The following ZRANB1 variants were observed in gnomAD, a reference collection of about 807,000 sequenced individuals.
ZRANB1 encodes the protein zinc finger RANBP2-type containing 1.
Under a neutral mutation model 80.5 loss-of-function variants are expected in ZRANB1, and 16 were observed. The ratio of observed to expected loss-of-function variants is 0.20; its 90% CI spans 0.13 to 0.30. ZRANB1 has a LOEUF of 0.30. ZRANB1 is among the 10% of genes least tolerant of loss of function. ZRANB1 has a pLI of 1.00. For missense variants in ZRANB1, 576 were observed against 862.6 expected, an observed-to-expected ratio of 0.67 and a Z score of 4.16; for synonymous variants, 291 against 293.1, an observed-to-expected ratio of 0.99 and a Z score of 0.07.
the ZRANB1 span, among the ~76,000 whole-genome samples, chr10:124,926,001 G>A: frequency 2.0e-5 from 3 of 152,208 alleles, no homozygotes; most frequent in African/African-American, 7.2e-5. Flanking sequence ...GCATGTTACT[G>A]TATTGAATAC....
chr10:124,951,960 A>G (rs1386880048), intron 1 of ZRANB1, among the ~76,000 whole-genome samples: 1 of 152,158 alleles, frequency 6.6e-6, no homozygotes, highest in East Asian at 1.9e-4. Flanking sequence ...CTGTCTCAAA[A>G]TAAATAAATA....
chr10:124,917,831 C>T, the ZRANB1 span, among the ~76,000 whole-genome samples: 1 of 152,178 alleles, frequency 6.6e-6, no homozygotes, highest in African/African-American at 2.4e-5. Flanking sequence ...GTCTACCCCT[C>T]CTGCTCGCAG....
intron 1 of ZRANB1, among the ~76,000 whole-genome samples, chr10:124,957,339 T>C (rs765895700): frequency 6.6e-6 from 1 of 152,216 alleles, no homozygotes; most frequent in Non-Finnish European, 1.5e-5. Context: ...AGGCAGCACC[T>C]CCGATACCTC....
Position 124,985,051 on chromosome 10 carries a change from G to C in ZRANB1, c.*59G>C. On this transcript the variant is annotated 3_prime_UTR_variant, in exon 9 of 9. Transcript: ENST00000359653. ...CAGATCTGTAATGACCCTAAAGTTA[G>C]TGTGGTGCTCCAAGCAGAGTCGACA... 1.5e-6 allele frequency: 2 copies of C among 1,348,350 alleles called. No individual in the cohort carries two copies. The highest frequency in any genetic ancestry group is 2.1e-6 in the Non-Finnish European group (2 of 967,206). The allele number at this position is 1,348,350 out of a possible 1,614,324, so 83.5% of individuals were successfully genotyped here.
chr10:124,981,116 T>C lies in ZRANB1; in HGVS notation c.1428-593T>C, dbSNP rs117813174. Among the ~76,000 whole-genome samples, 17 of 152,362 alleles carry C rather than the reference T, an allele frequency of 1.1e-4. No homozygotes were observed. The East Asian group carries it at 3.3e-3, about 29-fold the overall frequency. ...CATAATTATTTCTGAATTTTTATAT[T>C]TGATAGACAAAGAATCGATGTGTTT... On this transcript the variant is annotated intron_variant, in intron 5 of 8. Transcript: ENST00000359653.
In ZRANB1 at chr10:124,973,706, C is replaced by T. The variant is rs751833567; in HGVS notation, c.1218C>T (p.Asp406=). 10 of 1,611,398 alleles carry T rather than the reference C, an allele frequency of 6.2e-6. No individual in the cohort carries two copies. Among genetic ancestry groups the T allele is most frequent in the East Asian group, 4.5e-5 (2 of 44,744 alleles). ...EKLFDEVLDR[D]VQKELEEESP... ...TATTTGATGAGGTGCTTGATAGAGA[C>T]GTTCAAAAAGGTAAGCATGGAATTA... Residue 406 remains aspartate, a synonymous_variant, in exon 4 of 9, where the codon GAC becomes GAT. Coordinates refer to ENST00000359653, the MANE Select transcript of ZRANB1 (RefSeq NM_017580.3).
At chr10:124,927,488 A>G in the ZRANB1 span, among the ~76,000 whole-genome samples, 1 of 152,132 alleles carries the variant, frequency 6.6e-6, no homozygotes, top group Non-Finnish European at 1.5e-5. Context: ...ACTTTTTGGT[A>G]TTTAATGGAG....
chr10:124,941,597 G>A (rs565786408), upstream of ZRANB1, among the ~76,000 whole-genome samples: 33 of 152,138 alleles, frequency 2.2e-4, no homozygotes, highest in African/African-American at 7.0e-4. Context: ...TGATCTACCC[G>A]CCTCAGCCTC....
the ZRANB1 span, among the ~76,000 whole-genome samples, chr10:124,929,404 C>G: frequency 6.6e-6 from 1 of 150,472 alleles, no homozygotes; most frequent in Non-Finnish European, 1.5e-5. Context: ...GGCGAGATCT[C>G]GGCTCACTGC....
chr10:124,985,070 G>A lies in ZRANB1; in HGVS notation c.*78G>A, dbSNP rs1952003210. 3 of 1,192,284 alleles carry A rather than the reference G, an allele frequency of 2.5e-6. No homozygotes were observed. The highest frequency in any genetic ancestry group is 3.6e-6 in the Non-Finnish European group (3 of 838,218). The allele number at this position is 1,192,284 out of a possible 1,614,324, so 73.9% of individuals were successfully genotyped here. A position where few individuals can be genotyped will look rare whatever the true frequency, so the allele number is the denominator to read the frequency against. ...AAGTTAGTGTGGTGCTCCAAGCAGA[G>A]TCGACATCATGGAATGAACCAAATC... On this transcript the variant is annotated 3_prime_UTR_variant, in exon 9 of 9. Transcript: ENST00000359653.
chr10:124,919,769 G>A, the ZRANB1 span, among the ~76,000 whole-genome samples: 2 of 151,196 alleles, frequency 1.3e-5, no homozygotes, highest in African/African-American at 4.9e-5. Flanking sequence ...CTGCCACCAC[G>A]CCCGGCTAAT....
the ZRANB1 span, among the ~76,000 whole-genome samples, chr10:124,933,362 C>T: frequency 6.6e-6 from 1 of 152,146 alleles, no homozygotes; most frequent in South Asian, 2.1e-4. Context: ...TGGTCTCAAA[C>T]TCCTGACCTC....
the ZRANB1 span, among the ~76,000 whole-genome samples, chr10:124,925,242 G>A: frequency 2.0e-5 from 3 of 151,716 alleles, no homozygotes; most frequent in African/African-American, 4.8e-5. Context: ...TATATGTTCC[G>A]TTTCTCTACA....
chr10:124,945,395 A>G (rs1288087820), intron 1 of ZRANB1: 1 of 143,478 alleles, frequency 7.0e-6, no homozygotes, highest in East Asian at 2.0e-4. Context: ...TGCCTTTGGA[A>G]CAGTCTTAAA....
At chr10:124,982,256 C>T (rs1951941853) in intron 6 of ZRANB1, among the ~76,000 whole-genome samples, 1 of 152,238 alleles carries the variant, frequency 6.6e-6, no homozygotes, top group South Asian at 2.1e-4. Context: ...GGTGTAGGTA[C>T]TTGCATTGCT....
the ZRANB1 span, among the ~76,000 whole-genome samples, chr10:124,930,117 C>T: frequency 6.6e-6 from 1 of 152,086 alleles, no homozygotes; most frequent in African/African-American, 2.4e-5. Context: ...TTTTAGCCCT[C>T]CACTTAAAGA....
chr10:124,928,190 T>C, the ZRANB1 span, among the ~76,000 whole-genome samples: 3 of 152,202 alleles, frequency 2.0e-5, no homozygotes, highest in South Asian at 6.2e-4. Flanking sequence ...AGAAGGGGAA[T>C]AGGAGTAGGC....
At position 124,954,708 on chromosome 10, in the gene ZRANB1, A is replaced by G. The variant is rs182675662; in HGVS notation, c.814+11401A>G. ...GGTAATCAGCCCACCTTGGCCTCCCAGAGTGCTGGGATTACAGGCGTGAGT... is the reference window on the plus strand; with the variant it reads ...GGTAATCAGCCCACCTTGGCCTCCCGGAGTGCTGGGATTACAGGCGTGAGT... On this transcript the variant is annotated intron_variant, in intron 1 of 8. Transcript: ENST00000359653. 2.7e-3 allele frequency among the ~76,000 whole-genome samples: 408 copies of G among 150,448 alleles called. 1 individual carries two copies. The highest frequency in any genetic ancestry group is 4.8e-3 in the Non-Finnish European group (327 of 67,548).
rs761703503 is a variant in ZRANB1, at chr10:124,983,316, T to C, written c.1678+12T>C. The C allele has an allele frequency of 4.0e-5, 65 of 1,612,774 alleles. No homozygotes were observed. Among genetic ancestry groups the C allele is most frequent in the Admixed American group, 8.4e-5 (5 of 59,820 alleles). Reference sequence around the variant, plus strand: ...TACTCGGTTTCAAGGTAAGCCATTATTCAGGAACGTTTTACAAGTTTCTTT... The same window carrying C: ...TACTCGGTTTCAAGGTAAGCCATTACTCAGGAACGTTTTACAAGTTTCTTT... On this transcript the variant is annotated intron_variant, in intron 7 of 8. Transcript: ENST00000359653. The surrounding 1 kb of genome is among the most constrained non-coding windows in gnomAD (Gnocchi z 6.2).
Sources: allele counts gnomAD v4.1 joint callset (sites outside exome capture counted in the v4.1 genomes callset), GRCh38; gene constraint gnomAD v4.1.1; non-coding constraint Gnocchi (gnomAD v3.1); transcripts MANE v1.5; gene names NCBI Gene and HGNC (gene_info 2026-07-23, HGNC 2026-07-21).